AHCTF1: variants seen among roughly 807,000 people sequenced by gnomAD.
AHCTF1 encodes protein ELYS.
A neutral mutation model predicts 248.4 loss-of-function variants in AHCTF1; 24 were observed. That is an observed-to-expected ratio of 0.10 (90% CI 0.07 to 0.14). The LOEUF is 0.14. AHCTF1 is among the 10% of genes least tolerant of loss of function. The pLI, the probability that AHCTF1 is intolerant of heterozygous loss-of-function variation, is 1.00. For synonymous variants in AHCTF1, 786 were observed against 929.8 expected, an observed-to-expected ratio of 0.85 and a Z score of 2.81; for missense variants, 2,206 against 2,636.2, an observed-to-expected ratio of 0.84 and a Z score of 3.57.
At chr1:246,898,365 A>T (rs1178761433) in intron 11 of AHCTF1, 29 bp from the exon 12 acceptor site, 1 of 1,579,766 alleles carries the variant, frequency 6.3e-7, no homozygotes, top group Admixed American at 1.8e-5. Flanking sequence ...TAAGGCATCA[A>T]TCAATGCTCA....
chr1:246,931,478 CCCG>C (rs754285823), intron 1 of AHCTF1, 97 bp downstream of exon 1: 52,456 of 531,578 alleles, frequency 0.099, 4,534 homozygotes, highest in African/African-American at 0.31. Flanking sequence ...GGGCAGAAGC[CCCG>C]CCGCCGCCGC....
rs751603752 is a variant in AHCTF1, at chr1:246,916,297, T to C, written c.220A>G (p.Asn74Asp). 1 of 1,609,336 alleles carries C rather than the reference T, an allele frequency of 6.2e-7. No individual in the cohort carries two copies. The highest frequency in any genetic ancestry group is 8.5e-7 in the Non-Finnish European group (1 of 1,176,096). The change falls in exon 3 of 36, where the codon AAT becomes GAT. Residue 74 changes from asparagine (N) to aspartate (D), a missense_variant. This residue lies in a region of AHCTF1 where 69 missense variants were observed against 85.4 expected (regional missense o/e 0.81). Coordinates refer to ENST00000648844, the MANE Select transcript of AHCTF1 (RefSeq NM_001323342.2). Reference protein sequence around the residue: ...RLSAYRFSGVNEQPPVVLAVK... With the variant: ...RLSAYRFSGVDEQPPVVLAVK... ...GCTAAAACTACAGGAGGCTGTTCAT[T>C]GACTCCACTGAATCTGTAAGCAGAC...
intron 29 of AHCTF1, among the ~76,000 whole-genome samples, chr1:246,858,203 C>T (rs1445029744): frequency 1.3e-5 from 2 of 152,032 alleles, no homozygotes; most frequent in African/African-American, 4.8e-5. Context: ...TCGTGATCCA[C>T]CCACCTGGGC....
rs184289545 is a variant in AHCTF1, at chr1:246,921,160, G to C, written c.-7-2783C>G. 5.9e-5 allele frequency among the ~76,000 whole-genome samples: 9 copies of C among 152,076 alleles called. No individual in the cohort carries two copies. The East Asian group carries it at 1.7e-3, about 29-fold the overall frequency. Reference sequence around the variant, plus strand: ...ACACGCAAAATGACATTTATATAAGGTTAAAAAGACACGCAGAACTAAGCA... The same window carrying C: ...ACACGCAAAATGACATTTATATAAGCTTAAAAAGACACGCAGAACTAAGCA... On this transcript the variant is annotated intron_variant, in intron 1 of 35. Transcript: ENST00000648844.
chr1:246,867,243 C>T lies in AHCTF1; in HGVS notation c.3347+1G>A, dbSNP rs141409693. 1.5e-5 allele frequency: 23 copies of T among 1,566,908 alleles called. No homozygotes were observed. The highest frequency in any genetic ancestry group is 1.6e-5 in the Non-Finnish European group (18 of 1,147,354). On this transcript the variant is annotated splice_donor_variant, in intron 26 of 35. Transcript: ENST00000648844. LOFTEE classifies it high-confidence loss of function. ...CTAAGAATGATTTAATAAACTCTTA[C>T]CTAGAAATTTTTTGTGATGCTTTTG...
At chr1:246,885,470 A>G in intron 21 of AHCTF1, 23 bp downstream of exon 21, 2 of 1,558,608 alleles carry the variant, frequency 1.3e-6, no homozygotes, top group East Asian at 2.3e-5. Flanking sequence ...TAAAGACTTT[A>G]TAGTTTCAAA....
At chr1:246,852,419 T>C (rs1411288301) in intron 32 of AHCTF1, among the ~76,000 whole-genome samples, 1 of 138,706 alleles carries the variant, frequency 7.2e-6, no homozygotes, top group Non-Finnish European at 1.6e-5. Flanking sequence ...GAAGAGTTGG[T>C]TTTTTATCTT....
rs116631711 is a variant in AHCTF1, at chr1:246,888,055, C to A, written c.2325+122G>T. 957 of 1,027,124 alleles carry A rather than the reference C, an allele frequency of 9.3e-4. 8 individuals are homozygous for A. The African/African-American group carries it at 0.013, about 14-fold the overall frequency. The allele number at this position is 1,027,124 out of a possible 1,614,324, so 63.6% of individuals were successfully genotyped here. A position where few individuals can be genotyped will look rare whatever the true frequency, so the allele number is the denominator to read the frequency against. On this transcript the variant is annotated intron_variant, in intron 19 of 35. Transcript: ENST00000648844. ...CAAACAACAGATCCTGGGTTAACACCTCTTCTTAAGAAAACAAAACCAAAA... is the reference window on the plus strand; with the variant it reads ...CAAACAACAGATCCTGGGTTAACACATCTTCTTAAGAAAACAAAACCAAAA...
At chr1:246,922,593 T>G (rs546274565) in intron 1 of AHCTF1, among the ~76,000 whole-genome samples, 1 of 151,694 alleles carries the variant, frequency 6.6e-6, no homozygotes, top group Non-Finnish European at 1.5e-5. Flanking sequence ...AAGGTCTCAC[T>G]ATGTTGCCCA....
At chr1:246,929,872 T>C (rs1031145589) in intron 1 of AHCTF1, among the ~76,000 whole-genome samples, 1 of 152,106 alleles carries the variant, frequency 6.6e-6, no homozygotes, top group African/African-American at 2.4e-5. Context: ...GCCAATATGG[T>C]GAAACCCCGT....
At chr1:246,868,329 C>T (rs1572389467) in intron 24 of AHCTF1, among the ~76,000 whole-genome samples, 2 of 151,864 alleles carry the variant, frequency 1.3e-5, no homozygotes, top group African/African-American at 4.9e-5. Context: ...CCATGTTGGC[C>T]AGGCTGGTCT....
At chr1:246,884,785 C>T (rs1350963526) in intron 21 of AHCTF1, among the ~76,000 whole-genome samples, 3 of 152,128 alleles carry the variant, frequency 2.0e-5, no homozygotes, top group Non-Finnish European at 2.9e-5. Context: ...GACATGAAAC[C>T]AGACACTTCC....
rs766150171 is a variant in AHCTF1 at position 246,851,377 on chromosome 1, A to G, written c.4629T>C (p.Asn1543=). The G allele has an allele frequency of 3.6e-5, 58 of 1,613,760 alleles. No homozygotes were observed. The Admixed American group carries it at 6.0e-4, about 17-fold the overall frequency. Residue 1543 remains asparagine (N), a synonymous_variant, in exon 33 of 36, where the codon AAT becomes AAC. Coordinates refer to ENST00000648844, the MANE Select transcript of AHCTF1 (RefSeq NM_001323342.2). ...TAAGTGTTCCAGAGGGATATAACTC[A>G]TTAAATGAAAGATTCCTAGCCTCTT... The part of the protein sequence containing the change: ...SGEEARNLSF[N]ELYPSGTLKL...
At chr1:246,875,072 T>C (rs1662844858) in intron 24 of AHCTF1, among the ~76,000 whole-genome samples, 2 of 152,206 alleles carry the variant, frequency 1.3e-5, no homozygotes, top group Non-Finnish European at 2.9e-5. Context: ...ATGAACTTTC[T>C]TTACCACCAT....
chr1:246,920,987 G>A (rs755301955), intron 1 of AHCTF1, among the ~76,000 whole-genome samples: 1 of 151,570 alleles, frequency 6.6e-6, no homozygotes, highest in Non-Finnish European at 1.5e-5. Context: ...AGCTACTCAG[G>A]AGGCTGAGGC....
chr1:246,877,524 TAAA>T (rs1663063483), intron 21 of AHCTF1, among the ~76,000 whole-genome samples: 2 of 151,106 alleles, frequency 1.3e-5, no homozygotes, highest in African/African-American at 2.4e-5. Flanking sequence ...TTTTTAGATA[TAAA>T]ATAATAAAAA....
intron 1 of AHCTF1, chr1:246,931,028 A>C: frequency 7.0e-7 from 1 of 1,432,514 alleles, no homozygotes; most frequent in East Asian, 2.7e-5. Flanking sequence ...GCACCCCAAG[A>C]TGTGCTTTTA....
rs572488842 is a variant in AHCTF1 at position 246,887,458 on chromosome 1, T to G, written c.2326-101A>C. ...ACAAAATGTAGCATTAAAAGAGACT[T>G]GAAATGCCTGTTTTTAGTGTTTAGA... On this transcript the variant is annotated intron_variant, in intron 19 of 35. Coordinates refer to ENST00000648844, the MANE Select transcript of AHCTF1 (RefSeq NM_001323342.2). The G allele has an allele frequency of 6.8e-6, 8 of 1,183,096 alleles. No homozygotes were observed. The East Asian group carries it at 1.7e-4, about 25-fold the overall frequency. 73.3% of individuals were successfully genotyped at this position (1,183,096 alleles called of 1,614,324 possible).
Position 246,891,796 on chromosome 1 carries a change from C to T in AHCTF1, c.1928G>A (p.Arg643Gln), listed in dbSNP as rs1206835583. Residue 643 changes from arginine to glutamine, a missense_variant, in exon 15 of 36, where the codon CGA (arginine) becomes CAA (glutamine). This residue lies in a region of AHCTF1 where 650 missense variants were observed against 870.8 expected (regional missense o/e 0.75). Transcript: ENST00000648844. Reference protein sequence around the residue: ...IVLSCFASEAREITERGLIDL... With the variant: ...IVLSCFASEAQEITERGLIDL... ...GAGCGTACCTCTCTCAGTGATCTCT[C>T]GGGCTTCTGATGCAAAACAGCTCAA... 5.6e-6 allele frequency: 9 copies of T among 1,611,274 alleles called. No homozygotes were observed. The highest frequency in any genetic ancestry group is 2.2e-5 in the East Asian group (1 of 44,728).
Sources: gnomAD v4.1 joint callset for allele counts (sites outside exome capture counted in the v4.1 genomes callset) on GRCh38, gnomAD v4.1.1 for gene constraint, gnomAD v4.1.1 regional missense constraint, MANE v1.5 for transcripts, NCBI Gene and HGNC (gene_info 2026-07-23, HGNC 2026-07-21) for gene names.